Variants in DMD observed in about 807,000 individuals in gnomAD.
The protein encoded by DMD is mutant dystrophin.
DMD carries 63 observed loss-of-function variants against 330.1 expected under a neutral mutation model. The observed-to-expected ratio is 0.19, with a 90% CI of 0.16 to 0.24. DMD has a LOEUF of 0.24. DMD is among the 10% of genes least tolerant of loss of function. The pLI is 1.00. For missense variants in DMD, 3,344 were observed against 2,684.1 expected (o/e 1.25, Z -5.43); for synonymous variants, 1,223 against 959.8 (o/e 1.27, Z -5.07).
At chrX:32,177,772 A>C (rs752759889) in intron 44 of DMD, among the ~76,000 whole-genome samples, 1 of 111,291 alleles carries the variant, frequency 9.0e-6, no homozygotes, top group African/African-American at 3.3e-5. Context: ...AATAATACTA[A>C]TTACTGAGGG....
intron 53 of DMD, among the ~76,000 whole-genome samples, chrX:31,666,168 C>T (rs2081412540): frequency 9.0e-6 from 1 of 111,530 alleles, no homozygotes; most frequent in African/African-American, 3.3e-5. Context: ...TTTTCAGACC[C>T]CATGAGCATA....
intron 7 of DMD, among the ~76,000 whole-genome samples, chrX:32,777,553 G>T (rs1387031229): frequency 9.0e-6 from 1 of 110,506 alleles, no homozygotes; most frequent in Non-Finnish European, 1.9e-5. Context: ...GGGGTGATTA[G>T]AATAAACAAG....
At chrX:33,141,928 A>G (rs369400171) in intron 1 of DMD, among the ~76,000 whole-genome samples, 1 of 112,223 alleles carries the variant, frequency 8.9e-6, no homozygotes, top group East Asian at 2.8e-4. Flanking sequence ...CAACACTATG[A>G]CAGTACCTAA....
chrX:32,125,041 C>A (rs1247361080), intron 44 of DMD, among the ~76,000 whole-genome samples: 2 of 110,082 alleles, frequency 1.8e-5, no homozygotes, highest in Non-Finnish European at 3.8e-5. Context: ...AAAAATACTG[C>A]CAACATAGCA....
rs182694430 is a variant in DMD at position 33,110,025 on chromosome X, T to C, written c.32-89825A>G. On this transcript the variant is annotated intron_variant, in intron 1 of 78. Transcript: ENST00000357033. ...CCACAGTACACTGCTCTTTGTTCCC[T>C]GACCCTGCAAGCTCTCACCGGGTGA... Among the ~76,000 whole-genome samples, 132 of 111,645 alleles carry C rather than the reference T, an allele frequency of 1.2e-3. 1 individual carries two copies. Among genetic ancestry groups the C allele is most frequent in the East Asian group, 9.0e-3 (32 of 3,545 alleles).
chrX:32,555,124 C>T (rs975479545), intron 16 of DMD, among the ~76,000 whole-genome samples: 2 of 110,618 alleles, frequency 1.8e-5, no homozygotes, highest in African/African-American at 6.5e-5. Flanking sequence ...TGCTTCATCC[C>T]TAGCATGCAA....
In DMD at chrX:31,510,985, T is replaced by C. The variant is rs372305453; in HGVS notation, c.8218-3532A>G. On this transcript the variant is annotated intron_variant, in intron 55 of 78. Coordinates refer to ENST00000357033, the MANE Select transcript of DMD (RefSeq NM_004006.3). ...GAGCCATGTGGACTACTATGAACCATACCAAGAAATGACTTGACACATCAG... is the reference window on the plus strand; with the variant it reads ...GAGCCATGTGGACTACTATGAACCACACCAAGAAATGACTTGACACATCAG... Among the ~76,000 whole-genome samples, 11 of 111,703 alleles carry C rather than the reference T, an allele frequency of 9.8e-5. No individual in the cohort carries two copies. In the South Asian group the frequency reaches 4.1e-3, roughly 42 times the overall value.
At chrX:31,975,182 T>C (rs1339239691) in intron 44 of DMD, among the ~76,000 whole-genome samples, 1 of 111,345 alleles carries the variant, frequency 9.0e-6, no homozygotes, top group Non-Finnish European at 1.9e-5. Flanking sequence ...GTCCCAGACA[T>C]GTTTTGGCGT....
At chrX:32,770,725 A>G (rs1569515708) in intron 7 of DMD, among the ~76,000 whole-genome samples, 1 of 111,880 alleles carries the variant, frequency 8.9e-6, no homozygotes, top group Non-Finnish European at 1.9e-5. Flanking sequence ...ACCAGGAGAT[A>G]TAGCAGTGAA....
At chrX:32,787,001 T>A (rs2075409678) in intron 7 of DMD, among the ~76,000 whole-genome samples, 1 of 111,848 alleles carries the variant, frequency 8.9e-6, no homozygotes, top group Admixed American at 9.6e-5. Context: ...AGTTGAGTTT[T>A]TCTGAGAGTC....
intron 44 of DMD, among the ~76,000 whole-genome samples, chrX:32,093,845 T>A (rs189566340): frequency 2.7e-5 from 3 of 110,895 alleles, no homozygotes; most frequent in African/African-American, 6.5e-5. Flanking sequence ...TGACTGTCAA[T>A]AAAACCCTCA....
intron 16 of DMD, among the ~76,000 whole-genome samples, chrX:32,557,494 C>T (rs1002661835): frequency 1.8e-5 from 2 of 111,834 alleles, no homozygotes; most frequent in African/African-American, 3.2e-5. Context: ...TGGATCAAGG[C>T]TTTTCATTGC....
intron 51 of DMD, among the ~76,000 whole-genome samples, chrX:31,738,779 A>C (rs1191631915): frequency 8.9e-6 from 1 of 112,227 alleles, no homozygotes. Flanking sequence ...CTGCAACAAC[A>C]TTGTTGGAAA....
intron 43 of DMD, among the ~76,000 whole-genome samples, chrX:32,251,910 T>C (rs768843797): frequency 1.6e-4 from 18 of 111,208 alleles, no homozygotes; most frequent in Non-Finnish European, 2.8e-4. Flanking sequence ...TATGGGAGGA[T>C]TGCTTGAGCC....
At chrX:32,730,186 A>C (rs1483604156) in intron 7 of DMD, among the ~76,000 whole-genome samples, 2 of 111,895 alleles carry the variant, frequency 1.8e-5, no homozygotes, top group Admixed American at 1.9e-4. Context: ...ACAATAAAAA[A>C]TTGTTTAAAT....
intron 2 of DMD, among the ~76,000 whole-genome samples, chrX:32,929,353 C>T (rs1007854670): frequency 2.7e-5 from 3 of 110,691 alleles, no homozygotes; most frequent in Non-Finnish European, 5.7e-5. Context: ...AGCTCCCTTC[C>T]GTTCTACGTT....
Position 32,390,146 on chromosome X carries a change from A to C in DMD, c.4269T>G (p.Ser1423Arg). 1 of 1,208,899 alleles carries C rather than the reference A, an allele frequency of 8.3e-7. No homozygotes were observed. The highest frequency in any genetic ancestry group is 1.1e-6 in the Non-Finnish European group (1 of 893,070). Residue 1423 changes from serine to arginine, a missense_variant, in exon 31 of 79, where the codon AGT becomes AGG. Transcript: ENST00000357033. ...IQSDLTSHEISLEEMKKHNQG... is the reference protein window; with the variant it reads ...IQSDLTSHEIRLEEMKKHNQG... ...GATTATGTTTCTTCATTTCTTCTAA[A>C]CTGATCTCATGACTTGTCAAATCAG...
chrX:32,828,201 T>C (rs183879998), intron 4 of DMD, among the ~76,000 whole-genome samples: 70 of 111,770 alleles, frequency 6.3e-4, no homozygotes, highest in African/African-American at 2.0e-3. Context: ...TGCATGTGTC[T>C]TTATCGTAGA....
At chrX:33,211,792 C>T (rs1182682920), upstream of DMD, among the ~76,000 whole-genome samples, 3 of 112,345 alleles carry the variant, frequency 2.7e-5, no homozygotes, top group African/African-American at 9.7e-5. Context: ...CTTCTAAACA[C>T]AAAAACTATT....
Sources: gnomAD v4.1 joint callset for allele counts (sites outside exome capture counted in the v4.1 genomes callset) on GRCh38, gnomAD v4.1.1 for gene constraint, MANE v1.5 for transcripts, NCBI Gene and HGNC (gene_info 2026-07-23, HGNC 2026-07-21) for gene names.